Variants in BTBD9 observed in about 807,000 individuals in gnomAD.
The protein encoded by BTBD9 is BTB/POZ domain-containing protein 9.
A neutral mutation model predicts 64.3 loss-of-function variants in BTBD9; 49 were observed. The observed-to-expected ratio is 0.76, with a 90% confidence interval of 0.61 to 0.97. BTBD9 has a LOEUF of 0.97. BTBD9 is among the 50% of genes least tolerant of loss of function. The pLI, the probability that BTBD9 is intolerant of heterozygous loss-of-function variation, is 0.00. For missense variants in BTBD9, 598 were observed against 762.1 expected (o/e 0.78, Z 2.53); for synonymous variants, 260 against 274.7 (o/e 0.95, Z 0.53).
rs1398506549 is a variant in BTBD9 at position 38,173,929 on chromosome 6, G to T, written c.*1056C>A. The stretch of plus-strand genomic sequence containing the variant: ...CCTTTTGATGAGGATTAGGAGAAAA[G>T]CTTCTTGGAACTGCTATTTTTCAGT... On this transcript the variant is annotated 3_prime_UTR_variant, in exon 11 of 11. Coordinates refer to ENST00000481247, the MANE Select transcript of BTBD9 (RefSeq NM_001099272.2). 6.6e-6 allele frequency: 1 copy of T among 152,252 alleles called. No homozygotes were observed. The allele number at this position is 152,252 out of a possible 1,614,324, so 9.4% of individuals were successfully genotyped here. A position where few individuals can be genotyped will look rare whatever the true frequency, so the allele number is the denominator to read the frequency against.
In BTBD9 at chr6:38,389,948, C is replaced by T. The variant is rs527998600; in HGVS notation, c.1155-44855G>A. On this transcript the variant is annotated intron_variant, in intron 6 of 10. Coordinates refer to ENST00000481247, the MANE Select transcript of BTBD9 (RefSeq NM_001099272.2). Reference sequence around the variant, plus strand: ...AATAGAATTTCTTCCTTTCTCTCTCCGTAGAGTCCCACATACATATTGAAT... The same window carrying T: ...AATAGAATTTCTTCCTTTCTCTCTCTGTAGAGTCCCACATACATATTGAAT... Among the ~76,000 whole-genome samples the T allele has an allele frequency of 6.6e-5, 10 of 152,226 alleles. No individual in the cohort carries two copies. In the East Asian group the frequency reaches 7.7e-4, roughly 12 times the overall value.
intron 1 of BTBD9, among the ~76,000 whole-genome samples, chr6:38,625,471 ACAG>A (rs1261173229): frequency 1.3e-5 from 2 of 152,206 alleles, no homozygotes; most frequent in African/African-American, 4.8e-5. Flanking sequence ...GATTTATTTT[ACAG>A]TAGCTTTCTA....
intron 8 of BTBD9, among the ~76,000 whole-genome samples, chr6:38,275,818 G>A (rs1442266086): frequency 6.6e-6 from 1 of 152,030 alleles, no homozygotes; most frequent in East Asian, 1.9e-4. Flanking sequence ...ACACCAGTTA[G>A]AATGGCGATC....
At position 38,346,953 on chromosome 6, in the gene BTBD9, G is replaced by A. The variant is rs568184505; in HGVS notation, c.1155-1860C>T. Reference sequence around the variant, plus strand: ...TCAAGTCTCTACCAAAGGAGAGACAGCTCTCCTACTGTGCACAGAAGAGCC... The same window carrying A: ...TCAAGTCTCTACCAAAGGAGAGACAACTCTCCTACTGTGCACAGAAGAGCC... On this transcript the variant is annotated intron_variant, in intron 6 of 10. Coordinates refer to ENST00000481247, the MANE Select transcript of BTBD9 (RefSeq NM_001099272.2). Among the ~76,000 whole-genome samples, 23 of 152,306 alleles carry A rather than the reference G, an allele frequency of 1.5e-4. 1 individual carries two copies. The South Asian group carries it at 4.1e-3, about 27-fold the overall frequency.
chr6:38,246,596 G>T (rs1196971497), intron 9 of BTBD9, among the ~76,000 whole-genome samples: 1 of 146,078 alleles, frequency 6.8e-6, no homozygotes, highest in Non-Finnish European at 1.5e-5. Flanking sequence ...ACCAATGTTT[G>T]CCCTTTAAAA....
At chr6:38,274,756 T>C (rs1765320945) in intron 8 of BTBD9, among the ~76,000 whole-genome samples, 1 of 152,124 alleles carries the variant, frequency 6.6e-6, no homozygotes, top group Admixed American at 6.6e-5. Flanking sequence ...ATAAGCTTTT[T>C]GATGTGCTGC....
intron 7 of BTBD9, among the ~76,000 whole-genome samples, chr6:38,304,635 G>C (rs1054905761): frequency 2.6e-5 from 4 of 151,868 alleles, no homozygotes; most frequent in African/African-American, 9.7e-5. Context: ...ATAAAGACAG[G>C]GTCTCTACAT....
At chr6:38,630,590 C>A (rs1026158418) in intron 1 of BTBD9, among the ~76,000 whole-genome samples, 8 of 152,198 alleles carry the variant, frequency 5.3e-5, no homozygotes, top group South Asian at 2.1e-4. Context: ...TAAAAGAATT[C>A]TTTGTACTAT....
At chr6:38,303,909 A>C (rs1184278316) in intron 7 of BTBD9, among the ~76,000 whole-genome samples, 1 of 135,736 alleles carries the variant, frequency 7.4e-6, no homozygotes, top group Admixed American at 7.3e-5. Flanking sequence ...ATACGTGTAT[A>C]TATGTGTATA....
At chr6:38,363,896 A>G (rs1765079665) in intron 6 of BTBD9, among the ~76,000 whole-genome samples, 1 of 152,170 alleles carries the variant, frequency 6.6e-6, no homozygotes, top group Non-Finnish European at 1.5e-5. Context: ...AAATGTTCAG[A>G]TTGCTACAGC....
At chr6:38,334,859 T>TA (rs139855170) in intron 7 of BTBD9, among the ~76,000 whole-genome samples, 6,013 of 151,020 alleles carry the variant, frequency 0.04, 403 homozygotes, top group African/African-American at 0.14. Context: ...TCTTTATTCT[T>TA]AAAAAAAAAT....
intron 10 of BTBD9, among the ~76,000 whole-genome samples, chr6:38,179,144 C>T (rs780004664): frequency 2.6e-5 from 4 of 152,174 alleles, no homozygotes; most frequent in Non-Finnish European, 4.4e-5. Context: ...AGCTACCATG[C>T]CCAGCCTACG....
chr6:38,417,803 A>AAGAGAGAGAGAGAGAG (rs1562156240), intron 6 of BTBD9, among the ~76,000 whole-genome samples: 21 of 145,046 alleles, frequency 1.4e-4, no homozygotes, highest in African/African-American at 5.5e-4. Flanking sequence ...AGAGAGAGAA[A>AAGAGAGAGAGAGAGAG]AAAAATATTG....
At chr6:38,468,288 G>A (rs767206658) in intron 6 of BTBD9, among the ~76,000 whole-genome samples, 19 of 152,178 alleles carry the variant, frequency 1.2e-4, no homozygotes, top group Non-Finnish European at 2.5e-4. Flanking sequence ...CATATTCAAA[G>A]TTCTATTCTG....
chr6:38,354,222 G>T, intron 6 of BTBD9, among the ~76,000 whole-genome samples: 1 of 152,116 alleles, frequency 6.6e-6, no homozygotes, highest in East Asian at 1.9e-4. Flanking sequence ...CACAGGGAGT[G>T]AGGAAATCAC....
intron 1 of BTBD9, among the ~76,000 whole-genome samples, chr6:38,631,385 C>T (rs1778357270): frequency 6.6e-6 from 1 of 152,152 alleles, no homozygotes; most frequent in South Asian, 2.1e-4. Context: ...TTTGACTCTC[C>T]CCTCAAAAAA....
intron 6 of BTBD9, among the ~76,000 whole-genome samples, chr6:38,408,915 G>A (rs1767286842): frequency 6.6e-6 from 1 of 152,110 alleles, no homozygotes; most frequent in South Asian, 2.1e-4. Flanking sequence ...TAATGCTTAG[G>A]TACTACTTCA....
intron 9 of BTBD9, among the ~76,000 whole-genome samples, chr6:38,200,122 C>T (rs762231948): frequency 4.6e-5 from 7 of 152,210 alleles, no homozygotes; most frequent in Non-Finnish European, 7.3e-5. Flanking sequence ...GTGCTGGCTA[C>T]CACAGCAGGG....
chr6:38,370,503 A>C (rs1281255236), intron 6 of BTBD9, among the ~76,000 whole-genome samples: 1 of 152,222 alleles, frequency 6.6e-6, no homozygotes, highest in Non-Finnish European at 1.5e-5. Flanking sequence ...TCACTAACCT[A>C]CATGACTTTC....
Sources: allele counts gnomAD v4.1 joint callset (sites outside exome capture counted in the v4.1 genomes callset), GRCh38; gene constraint gnomAD v4.1.1; transcripts MANE v1.5; gene names NCBI Gene and HGNC (gene_info 2026-07-23, HGNC 2026-07-21).